CPEB3: variants seen among roughly 807,000 people sequenced by gnomAD.
CPEB3 encodes cytoplasmic polyadenylation element-binding protein 3.
CPEB3 carries 20 observed loss-of-function variants against 67.2 expected under a neutral mutation model. That is an observed-to-expected ratio of 0.30 (90% CI 0.21 to 0.43). The LOEUF is 0.43. CPEB3 is among the 20% of genes least tolerant of loss of function. CPEB3 has a pLI of 1.00. For synonymous variants in CPEB3, 376 were observed against 393.1 expected, an observed-to-expected ratio of 0.96 and a Z score of 0.51; for missense variants, 746 against 968.6, an observed-to-expected ratio of 0.77 and a Z score of 3.05.
At chr10:92,108,034 A>C (rs923670296) in intron 7 of CPEB3, among the ~76,000 whole-genome samples, 55 of 152,328 alleles carry the variant, frequency 3.6e-4, no homozygotes, top group African/African-American at 1.3e-3. Flanking sequence ...GCATTAGAAA[A>C]ACAATCTGAT....
intron 4 of CPEB3, among the ~76,000 whole-genome samples, chr10:92,161,140 G>A (rs187206735): frequency 6.6e-6 from 1 of 152,254 alleles, no homozygotes; most frequent in East Asian, 1.9e-4. Flanking sequence ...CCAAAGTGCT[G>A]GGACTGTAAA....
chr10:92,233,283 C>A (rs1851361011), intron 2 of CPEB3, among the ~76,000 whole-genome samples: 1 of 152,088 alleles, frequency 6.6e-6, no homozygotes, highest in African/African-American at 2.4e-5. Flanking sequence ...AATCTCAGCA[C>A]TTTGGGAGGC....
Position 92,059,325 on chromosome 10 carries a change from C to CA in CPEB3, c.1870-6887dup, listed in dbSNP as rs61034093. ...CTGGGTGACAAAAGTGAAACTCTGT[C>CA]AAAAAAAAAACAAAGAAAAAGCAAA... On this transcript the variant is annotated intron_variant, in intron 9 of 9. Transcript: ENST00000265997. Among the ~76,000 whole-genome samples, 53 of 101,224 alleles carry CA rather than the reference C, an allele frequency of 5.2e-4. 4 individuals carry two copies. Among genetic ancestry groups the CA allele is most frequent in the Admixed American group, 2.7e-3 (25 of 9,400 alleles). The allele number at this position is 101,224 out of a possible 152,430, so 66.4% of individuals were successfully genotyped here. A position where few individuals can be genotyped will look rare whatever the true frequency, so the allele number is the denominator to read the frequency against.
intron 2 of CPEB3, among the ~76,000 whole-genome samples, chr10:92,199,633 G>A (rs1211384921): frequency 3.7e-5 from 5 of 133,784 alleles, no homozygotes; most frequent in South Asian, 2.4e-4. Flanking sequence ...GCAGTGAACC[G>A]AGATCACGCC....
intron 3 of CPEB3, among the ~76,000 whole-genome samples, chr10:92,184,343 G>C (rs190521561): frequency 3.3e-5 from 5 of 152,134 alleles, no homozygotes; most frequent in African/African-American, 9.7e-5. Flanking sequence ...CGTGGCTCAC[G>C]CCTGTAATCC....
chr10:92,223,567 C>CTTTTTT (rs903904452), intron 2 of CPEB3, among the ~76,000 whole-genome samples: 5 of 84,198 alleles, frequency 5.9e-5, no homozygotes, highest in South Asian at 4.2e-4. Flanking sequence ...CTAATTATTT[C>CTTTTTT]TTTTTTTTTT....
At chr10:92,263,945 A>T (rs1852924186) in intron 1 of CPEB3, among the ~76,000 whole-genome samples, 1 of 152,176 alleles carries the variant, frequency 6.6e-6, no homozygotes, top group East Asian at 1.9e-4. Flanking sequence ...CTAGATAAGA[A>T]TTTTATATGT....
At chr10:92,093,249 C>T (rs966251693) in intron 7 of CPEB3, among the ~76,000 whole-genome samples, 2 of 152,142 alleles carry the variant, frequency 1.3e-5, no homozygotes, top group African/African-American at 4.8e-5. Context: ...ATTCCCCCTC[C>T]CCTCCACCAA....
At chr10:92,062,429 G>C (rs1842390532) in intron 9 of CPEB3, among the ~76,000 whole-genome samples, 2 of 152,046 alleles carry the variant, frequency 1.3e-5, no homozygotes, top group African/African-American at 4.8e-5. Flanking sequence ...GTTTAGGTTG[G>C]CTCGTATTGA....
intron 1 of CPEB3, among the ~76,000 whole-genome samples, chr10:92,284,108 G>A (rs1295607680): frequency 6.8e-6 from 1 of 146,890 alleles, no homozygotes; most frequent in Non-Finnish European, 1.5e-5. Flanking sequence ...GTGCAATCTC[G>A]GCTCACTGCA....
At chr10:92,128,760 T>C (rs972756431) in intron 6 of CPEB3, among the ~76,000 whole-genome samples, 1 of 152,134 alleles carries the variant, frequency 6.6e-6, no homozygotes, top group Non-Finnish European at 1.5e-5. Context: ...ATATCGCTGA[T>C]CATTAGAGAA....
intron 1 of CPEB3, among the ~76,000 whole-genome samples, chr10:92,272,677 G>A (rs1853358401): frequency 6.6e-6 from 1 of 152,132 alleles, no homozygotes; most frequent in Admixed American, 6.6e-5. Context: ...GGACAAAACA[G>A]GTATAGTCTC....
intron 9 of CPEB3, among the ~76,000 whole-genome samples, chr10:92,054,625 A>T (rs1386300326): frequency 6.6e-6 from 1 of 152,064 alleles, no homozygotes; most frequent in Non-Finnish European, 1.5e-5. Context: ...TATTTTTAGT[A>T]GAGATGGGGT....
chr10:92,250,999 AG>A (rs1852278244), intron 1 of CPEB3, among the ~76,000 whole-genome samples: 1 of 150,442 alleles, frequency 6.6e-6, no homozygotes, highest in South Asian at 2.1e-4. Context: ...CCAAAGTGCT[AG>A]GATTACAGGC....
chr10:92,079,764 A>C (rs1381417890), intron 9 of CPEB3, among the ~76,000 whole-genome samples: 1 of 152,336 alleles, frequency 6.6e-6, no homozygotes, highest in East Asian at 1.9e-4. Flanking sequence ...AAAATTAGTC[A>C]AAGTTGACTG....
At chr10:92,082,953 A>T (rs1000145882) in intron 8 of CPEB3, among the ~76,000 whole-genome samples, 1 of 152,184 alleles carries the variant, frequency 6.6e-6, no homozygotes, top group Non-Finnish European at 1.5e-5. Context: ...CTAGGAGAAG[A>T]GTTCTGCAGA....
In CPEB3 at chr10:92,050,245, T is replaced by C. The variant is rs2134234790; in HGVS notation, c.*1967A>G. The C allele has an allele frequency of 6.5e-6, 1 of 152,718 alleles. No homozygotes were observed. Among genetic ancestry groups the C allele is most frequent in the Non-Finnish European group, 1.5e-5 (1 of 68,032 alleles). The allele number at this position is 152,718 out of a possible 1,614,324, so 9.5% of individuals were successfully genotyped here. On this transcript the variant is annotated 3_prime_UTR_variant, in exon 10 of 10. Transcript: ENST00000265997. ...CAAAAAGCCTCAAAAAGGGGAGGAT[T>C]CTAAAATAAGCATTTTTAATCCAGT... is the stretch of plus-strand genomic sequence containing the variant.
intron 2 of CPEB3, among the ~76,000 whole-genome samples, chr10:92,229,771 G>A (rs533463977): frequency 4.6e-5 from 7 of 152,344 alleles, no homozygotes; most frequent in East Asian, 3.9e-4. Flanking sequence ...CGGGCCAGGC[G>A]CAGTGGCTTA....
intron 8 of CPEB3, 35 bp downstream of exon 8, chr10:92,091,795 G>A (rs746489226): frequency 7.8e-7 from 1 of 1,288,624 alleles, no homozygotes; most frequent in Non-Finnish European, 1.1e-6. Flanking sequence ...TGTTGTTGTT[G>A]GTTTTGTTGT....
Sources: gnomAD v4.1 joint callset for allele counts (sites outside exome capture counted in the v4.1 genomes callset) on GRCh38, gnomAD v4.1.1 for gene constraint, MANE v1.5 for transcripts, NCBI Gene and HGNC (gene_info 2026-07-23, HGNC 2026-07-21) for gene names.